The following FAT3 variants were observed in gnomAD, a reference collection of about 807,000 sequenced individuals.
The protein encoded by FAT3 is FAT atypical cadherin 3.
Under a neutral mutation model 310.2 loss-of-function variants are expected in FAT3, and 95 were observed. The observed-to-expected ratio is 0.31, with a 90% CI of 0.26 to 0.36. FAT3 has a LOEUF of 0.36. Among genes scored for constraint, FAT3 ranks in the 10% least tolerant of loss-of-function variants. FAT3 has a pLI of 1.00. For missense variants in FAT3, 5,408 were observed against 5,715.6 expected, an observed-to-expected ratio of 0.95 and a Z score of 1.74; for synonymous variants, 2,314 against 2,192.9, an observed-to-expected ratio of 1.06 and a Z score of -1.54.
At chr11:92,618,168 A>G (rs908082821) in intron 3 of FAT3, among the ~76,000 whole-genome samples, 10 of 152,064 alleles carry the variant, frequency 6.6e-5, no homozygotes, top group Admixed American at 2.0e-4. Flanking sequence ...TTACCTACTC[A>G]AGCCTCAGCA....
chr11:92,570,956 G>A (rs1779947867), intron 3 of FAT3, among the ~76,000 whole-genome samples: 1 of 152,082 alleles, frequency 6.6e-6, no homozygotes, highest in African/African-American at 2.4e-5. Context: ...ATTGCTGTGG[G>A]GATGAAATGC....
intron 3 of FAT3, among the ~76,000 whole-genome samples, chr11:92,628,936 T>C (rs143071524): frequency 7.2e-4 from 110 of 152,264 alleles, no homozygotes; most frequent in Admixed American, 3.5e-3. Context: ...CAGGACTTCT[T>C]CCTTGAAATG....
intron 1 of FAT3, among the ~76,000 whole-genome samples, chr11:92,246,781 G>A (rs899124944): frequency 3.3e-5 from 5 of 152,082 alleles, no homozygotes; most frequent in African/African-American, 7.2e-5. Context: ...ACATCACACT[G>A]TTATATGGAA....
chr11:92,270,425 T>C (rs1946091982), intron 1 of FAT3, among the ~76,000 whole-genome samples: 1 of 151,846 alleles, frequency 6.6e-6, no homozygotes, highest in Non-Finnish European at 1.5e-5. Flanking sequence ...ACACCTGTAA[T>C]CCCAGCATTT....
intron 3 of FAT3, among the ~76,000 whole-genome samples, chr11:92,653,611 C>G (rs1942467350): frequency 6.6e-6 from 1 of 152,160 alleles, no homozygotes; most frequent in Non-Finnish European, 1.5e-5. Flanking sequence ...ATTGGTTGCT[C>G]TAGCAGTATT....
At chr11:92,330,692 A>G (rs1299372858) in intron 1 of FAT3, among the ~76,000 whole-genome samples, 2 of 152,170 alleles carry the variant, frequency 1.3e-5, no homozygotes, top group Admixed American at 1.3e-4. Context: ...GATGGACAAA[A>G]ATATGCAAAT....
At chr11:92,673,323 A>G (rs1398467367) in intron 3 of FAT3, among the ~76,000 whole-genome samples, 2 of 152,218 alleles carry the variant, frequency 1.3e-5, no homozygotes, top group Non-Finnish European at 2.9e-5. Context: ...GTTCAATTCA[A>G]TAAACACTAG....
At chr11:92,713,888 ATGCC>A (rs1313000433) in intron 4 of FAT3, among the ~76,000 whole-genome samples, 1 of 152,202 alleles carries the variant, frequency 6.6e-6, no homozygotes, top group African/African-American at 2.4e-5. Flanking sequence ...CTTCAGTTTA[ATGCC>A]TGCAGCATTC....
chr11:92,585,700 T>C (rs1939110163), intron 3 of FAT3, among the ~76,000 whole-genome samples: 1 of 151,986 alleles, frequency 6.6e-6, no homozygotes, highest in South Asian at 2.1e-4. Flanking sequence ...CTAATAACAG[T>C]TTCAGGATTC....
rs752644378 is a variant in FAT3, at chr11:92,831,837, C to T, written c.9697C>T (p.Pro3233Ser). 9.3e-6 allele frequency: 15 copies of T among 1,613,592 alleles called. No homozygotes were observed. The highest frequency in any genetic ancestry group is 8.0e-5 in the African/African-American group (6 of 74,914). The change falls in exon 14 of 28, where the codon CCC becomes TCC. Residue 3233 changes from proline to serine, a missense_variant. By Grantham distance (74) the Pro-to-Ser change is moderately conservative. Coordinates refer to ENST00000525166, the MANE Select transcript of FAT3 (RefSeq NM_001367949.2). ...TITVLDINDN[P>S]PVFERRDYLV... ...CACCGTTCTGGACATTAATGACAACCCCCCTGTGTTTGAGAGGAGGGACTA... is the reference window on the plus strand; with the variant it reads ...CACCGTTCTGGACATTAATGACAACTCCCCTGTGTTTGAGAGGAGGGACTA...
intron 1 of FAT3, among the ~76,000 whole-genome samples, chr11:92,348,239 G>T (rs895017660): frequency 6.6e-6 from 1 of 151,668 alleles, no homozygotes; most frequent in East Asian, 1.9e-4. Flanking sequence ...GTTTTTTGGT[G>T]GTAGGTCTGA....
chr11:92,555,680 T>C (rs1954992506), intron 3 of FAT3, among the ~76,000 whole-genome samples: 1 of 152,208 alleles, frequency 6.6e-6, no homozygotes, highest in South Asian at 2.1e-4. Flanking sequence ...TGTTGACTAA[T>C]CCTGGCAGCT....
intron 1 of FAT3, among the ~76,000 whole-genome samples, chr11:92,241,091 C>T (rs1207225860): frequency 6.6e-6 from 1 of 152,098 alleles, no homozygotes; most frequent in Non-Finnish European, 1.5e-5. Context: ...AAATGAGATT[C>T]AAGGAGGTCA....
Position 92,353,080 on chromosome 11 carries a change from A to G in FAT3, c.968A>G (p.Glu323Gly), listed in dbSNP as rs777136514. ...FLAKEGKWLN[E>G]YKIKERKQID... ...GCTAAGGAAGGAAAGTGGTTGAATG[A>G]GTACAAGATTAAGGAGAGGAAGCAG... The change falls in exon 2 of 28, where the codon GAG becomes GGG. Residue 323 changes from glutamate (E) to glycine (G), a missense_variant. Glu to Gly is a moderately conservative substitution (Grantham distance 98). Coordinates refer to ENST00000525166, the MANE Select transcript of FAT3 (RefSeq NM_001367949.2). The G allele has an allele frequency of 3.1e-6, 5 of 1,613,608 alleles. No individual in the cohort carries two copies. In the African/African-American group the frequency reaches 6.7e-5, roughly 22 times the overall value.
chr11:92,411,888 C>T (rs1369124325), intron 2 of FAT3, among the ~76,000 whole-genome samples: 1 of 151,860 alleles, frequency 6.6e-6, no homozygotes, highest in African/African-American at 2.4e-5. Context: ...ATTAAGTTCC[C>T]CACAGTCTTT....
intron 4 of FAT3, among the ~76,000 whole-genome samples, chr11:92,729,202 G>C (rs1945095578): frequency 6.6e-6 from 1 of 152,144 alleles, no homozygotes. Context: ...CAAGGTGCCA[G>C]CGCTGCTTTC....
At chr11:92,422,597 G>A (rs1950554179) in intron 2 of FAT3, among the ~76,000 whole-genome samples, 2 of 152,158 alleles carry the variant, frequency 1.3e-5, no homozygotes, top group African/African-American at 2.4e-5. Context: ...TTCAAAGGAG[G>A]TGAGTGCTTG....
At chr11:92,685,942 C>A (rs1338669562) in intron 3 of FAT3, among the ~76,000 whole-genome samples, 1 of 152,176 alleles carries the variant, frequency 6.6e-6, no homozygotes, top group Non-Finnish European at 1.5e-5. Flanking sequence ...TAATACTAAT[C>A]TCTCCTTTGT....
At chr11:92,330,712 A>T (rs1374897891) in intron 1 of FAT3, among the ~76,000 whole-genome samples, 1 of 152,130 alleles carries the variant, frequency 6.6e-6, no homozygotes, top group South Asian at 2.1e-4. Flanking sequence ...TAAATGGAGT[A>T]CTTTATTGCT....
Sources: allele counts gnomAD v4.1 joint callset (sites outside exome capture counted in the v4.1 genomes callset), GRCh38; gene constraint gnomAD v4.1.1; transcripts MANE v1.5; gene names NCBI Gene and HGNC (gene_info 2026-07-23, HGNC 2026-07-21).